Variants in ATP6AP2 observed in about 807,000 individuals in gnomAD.
The protein encoded by ATP6AP2 is renin receptor.
In ATP6AP2, 1 loss-of-function variant was observed where a neutral mutation model predicts 23.4. The observed-to-expected ratio is 0.04, with a 90% CI of 0.02 to 0.20. The LOEUF is 0.20. Ranked by LOEUF, ATP6AP2 falls within the 10% of genes least tolerant of loss-of-function variation. The pLI, the probability that ATP6AP2 is intolerant of heterozygous loss-of-function variation, is 1.00. For synonymous variants in ATP6AP2, 90 were observed against 97.1 expected, an observed-to-expected ratio of 0.93 and a Z score of 0.43; for missense variants, 174 against 271.3, an observed-to-expected ratio of 0.64 and a Z score of 2.52.
Position 40,605,458 on chromosome X carries a change from G to A in ATP6AP2, c.859-103G>A, listed in dbSNP as rs780953488. On this transcript the variant is annotated intron_variant, in intron 8 of 8. Coordinates refer to ENST00000636580, the MANE Select transcript of ATP6AP2 (RefSeq NM_005765.3). ...TATAAGTAGCTGTTATGCCACTTAT[G>A]AAGAAATGTTTGTTAGACAAATGAA... The A allele has an allele frequency of 2.0e-4, 157 of 781,873 alleles. 1 individual carries two copies. In the African/African-American group the frequency reaches 2.9e-3, roughly 14 times the overall value. The allele number at this position is 781,873 out of a possible 1,213,427, so 64.4% of individuals were successfully genotyped here.
intron 1 of ATP6AP2, among the ~76,000 whole-genome samples, chrX:40,585,227 C>G (rs1044862135): frequency 1.5e-4 from 17 of 111,804 alleles, no homozygotes; most frequent in East Asian, 1.1e-3. Flanking sequence ...AATACATAAT[C>G]TATTACTATA....
chrX:40,582,446 A>G (rs1052009282), intron 1 of ATP6AP2, among the ~76,000 whole-genome samples: 3 of 111,434 alleles, frequency 2.7e-5, no homozygotes, highest in African/African-American at 9.8e-5. Flanking sequence ...AAACAAACAT[A>G]CAAACAAACC....
At chrX:40,586,182 C>G (rs73623098) in intron 1 of ATP6AP2, among the ~76,000 whole-genome samples, 1 of 111,682 alleles carries the variant, frequency 9.0e-6, no homozygotes, top group African/African-American at 3.3e-5. Context: ...TGTTCTCAGC[C>G]CTGGGGATAG....
chrX:40,604,096 C>G (rs959696786), intron 8 of ATP6AP2, among the ~76,000 whole-genome samples: 1 of 111,486 alleles, frequency 9.0e-6, no homozygotes, highest in Non-Finnish European at 1.9e-5. Flanking sequence ...ATGATATTTC[C>G]CAAACAGTGC....
At chrX:40,591,477 T>A (rs1926626466) in intron 3 of ATP6AP2, 112 bp downstream of exon 3, 2 of 910,117 alleles carry the variant, frequency 2.2e-6, no homozygotes, top group East Asian at 6.9e-5. Flanking sequence ...TGATGCACAG[T>A]TTCTTTTGAA....
At position 40,594,092 on chromosome X, in the gene ATP6AP2, AATATAAGT is replaced by A. The variant is rs201537659; in HGVS notation, c.300+2730_300+2737del. Among the ~76,000 whole-genome samples the A allele has an allele frequency of 6.0e-3, 675 of 111,997 alleles. 34 individuals carry two copies. The East Asian group carries it at 0.16, about 27-fold the overall frequency. ...TTTTAGATACTTTTACCACAAAAAA[AATATAAGT>A]ATGTGAGGTGATGGATTTGTTCATT... On this transcript the variant is annotated intron_variant, in intron 3 of 8. Transcript: ENST00000636580.
At chrX:40,602,574 C>T (rs777728636) in intron 8 of ATP6AP2, among the ~76,000 whole-genome samples, 12 of 105,704 alleles carry the variant, frequency 1.1e-4, no homozygotes, top group African/African-American at 4.1e-4. Context: ...CGCTTGAACC[C>T]GGGAGGCGGA....
chrX:40,602,894 G>A (rs1246279496), intron 8 of ATP6AP2, among the ~76,000 whole-genome samples: 1 of 100,096 alleles, frequency 1.0e-5, no homozygotes, highest in Non-Finnish European at 2.0e-5. Context: ...TTGAGAGTGG[G>A]GATGCCTCCC....
At position 40,597,277 on chromosome X, in the gene ATP6AP2, C is replaced by A; in HGVS notation, c.329C>A (p.Ala110Glu). Residue 110 changes from alanine (A) to glutamate (E), a missense_variant, in exon 4 of 9, where the codon GCA (alanine) becomes GAA (glutamate). By Grantham distance (107) the Ala-to-Glu change is moderately radical. Transcript: ENST00000636580. Reference protein sequence around the residue: ...NAVPFSLDSVANSIHSLFSEE... With the variant: ...NAVPFSLDSVENSIHSLFSEE... ...GTTCCTTTTAGTCTTGACAGTGTTG[C>A]AAATTCCATTCACTCCTTATTTTCT... is the stretch of plus-strand genomic sequence containing the variant. 1 of 1,208,501 alleles carries A rather than the reference C, an allele frequency of 8.3e-7. No individual in the cohort carries two copies.
intron 3 of ATP6AP2, among the ~76,000 whole-genome samples, chrX:40,595,210 C>G (rs1422562831): frequency 8.9e-6 from 1 of 112,114 alleles, no homozygotes; most frequent in Non-Finnish European, 1.9e-5. Context: ...GTGTGAGGAG[C>G]TCATTTTATT....
Position 40,597,636 on chromosome X carries a change from C to T in ATP6AP2, c.506C>T (p.Pro169Leu). 2 of 1,208,796 alleles carry T rather than the reference C, an allele frequency of 1.7e-6. No homozygotes were observed. Among genetic ancestry groups the T allele is most frequent in the Middle Eastern group, 2.3e-4 (1 of 4,344 alleles). Residue 169 changes from proline to leucine, a missense_variant, in exon 5 of 9, where the codon CCC becomes CTC. Coordinates refer to ENST00000636580, the MANE Select transcript of ATP6AP2 (RefSeq NM_005765.3). ...GAAAACTCTGTTCTCAGTTCACTCC[C>T]CCTCAATTCTCTGAGTAGGAACAAT... ...FQENSVLSSLPLNSLSRNNEV... is the reference protein window; with the variant it reads ...FQENSVLSSLLLNSLSRNNEV...
At position 40,600,742 on chromosome X, in the gene ATP6AP2, T is replaced by C; in HGVS notation, c.739-20T>C. 1 of 1,194,395 alleles carries C rather than the reference T, an allele frequency of 8.4e-7. No individual in the cohort carries two copies. ...AGTACATAGTTGAGATTCCCAATAA[T>C]GTTAATAACTAACTTTCAGTTTGCA... On this transcript the variant is annotated intron_variant, in intron 7 of 8. Transcript: ENST00000636580.
Position 40,599,755 on chromosome X carries a change from C to T in ATP6AP2, c.738+14C>T, listed in dbSNP as rs1262322762. 9.1e-6 allele frequency: 11 copies of T among 1,206,899 alleles called. No individual in the cohort carries two copies. Among genetic ancestry groups the T allele is most frequent in the African/African-American group, 3.5e-5 (2 of 56,967 alleles). On this transcript the variant is annotated intron_variant, in intron 7 of 8. Transcript: ENST00000636580. ...GCTCTGCAAAAGGTAAATATCAATG[C>T]GACATGAGAGGTTGGAGTATGACCA...
At position 40,599,771 on chromosome X, in the gene ATP6AP2, A is replaced by T. The variant is rs769819788; in HGVS notation, c.738+30A>T. ...ATATCAATGCGACATGAGAGGTTGG[A>T]GTATGACCATTTCACTTTTAGCCTC... On this transcript the variant is annotated intron_variant, in intron 7 of 8. Coordinates refer to ENST00000636580, the MANE Select transcript of ATP6AP2 (RefSeq NM_005765.3). The T allele has an allele frequency of 1.2e-5, 14 of 1,204,806 alleles. No homozygotes were observed. In the East Asian group the frequency reaches 1.2e-4, roughly 10 times the overall value.
intron 1 of ATP6AP2, among the ~76,000 whole-genome samples, chrX:40,584,280 T>C (rs746510625): frequency 1.8e-5 from 2 of 110,121 alleles, no homozygotes; most frequent in Non-Finnish European, 3.8e-5. Context: ...GGTCTCAAAC[T>C]CTTGGGCTCA....
chrX:40,592,151 G>C (rs1478014254), intron 3 of ATP6AP2: 2 of 112,492 alleles, frequency 1.8e-5, no homozygotes, highest in South Asian at 3.6e-4. Flanking sequence ...GTGCAGAGTG[G>C]TTCTTTGCAA....
intron 6 of ATP6AP2, chrX:40,599,344 G>T (rs1926846388): frequency 2.7e-6 from 1 of 369,020 alleles, no homozygotes; most frequent in Non-Finnish European, 4.8e-6. Flanking sequence ...GAATTTTGTT[G>T]AAAGCTTTTA....
chrX:40,598,713 G>T lies in ATP6AP2; in HGVS notation c.567G>T (p.Val189=). The T allele has an allele frequency of 8.3e-7, 1 of 1,209,928 alleles. No individual in the cohort carries two copies. The highest frequency in any genetic ancestry group is 1.1e-6 in the Non-Finnish European group (1 of 894,669). Residue 189 remains valine (V), a synonymous_variant, in exon 6 of 9, where the codon GTG becomes GTT. Transcript: ENST00000636580. ...VDLLFLSELQ[V]LHDISSLLSR... is the part of the protein sequence containing the mutation. The stretch of plus-strand genomic sequence containing the variant: ...TGCTCTTTCTTTCTGAACTGCAAGT[G>T]CTACATGATATTTCAAGCTTGGTAA...
Position 40,589,219 on chromosome X carries a change from G to A in ATP6AP2, c.168+103G>A, listed in dbSNP as rs1926560848. On this transcript the variant is annotated intron_variant, in intron 2 of 8. Coordinates refer to ENST00000636580, the MANE Select transcript of ATP6AP2 (RefSeq NM_005765.3). ...CATCAAACGAACGTAGGTACGTTTG[G>A]TACAGATTACAAAAGTTAAAAAGCT... 4.1e-6 allele frequency: 4 copies of A among 969,558 alleles called. No individual in the cohort carries two copies. In the Admixed American group the frequency reaches 9.8e-5, roughly 24 times the overall value. The allele number at this position is 969,558 out of a possible 1,213,427, so 79.9% of individuals were successfully genotyped here. A position where few individuals can be genotyped will look rare whatever the true frequency, so the allele number is the denominator to read the frequency against.
Sources: allele counts gnomAD v4.1 joint callset (sites outside exome capture counted in the v4.1 genomes callset), GRCh38; gene constraint gnomAD v4.1.1; transcripts MANE v1.5; gene names NCBI Gene and HGNC (gene_info 2026-07-23, HGNC 2026-07-21).